The following MEGF9 variants were observed in gnomAD, a reference collection of about 807,000 sequenced individuals.
The protein encoded by MEGF9 is multiple EGF like domains 9.
A neutral mutation model predicts 46.8 loss-of-function variants in MEGF9; 6 were observed. That is an observed-to-expected ratio of 0.13 (90% CI 0.07 to 0.25). The LOEUF is 0.25. Ranked by LOEUF, MEGF9 falls within the 10% of genes least tolerant of loss-of-function variation. MEGF9 has a pLI of 1.00. For synonymous variants in MEGF9, 302 were observed against 330.7 expected, an observed-to-expected ratio of 0.91 and a Z score of 0.94; for missense variants, 683 against 792.4, an observed-to-expected ratio of 0.86 and a Z score of 1.66.
At chr9:120,640,387 T>C (rs565120108) in intron 2 of MEGF9, among the ~76,000 whole-genome samples, 1 of 152,288 alleles carries the variant, frequency 6.6e-6, no homozygotes, top group African/African-American at 2.4e-5. Flanking sequence ...AGCCACACTA[T>C]CTGAAATTGT....
At chr9:120,621,329 C>T (rs893000989) in intron 3 of MEGF9, among the ~76,000 whole-genome samples, 8 of 152,158 alleles carry the variant, frequency 5.3e-5, no homozygotes, top group African/African-American at 1.7e-4. Flanking sequence ...GGCTGTGTCC[C>T]ACATCTTCCC....
intron 2 of MEGF9, among the ~76,000 whole-genome samples, chr9:120,632,190 C>T (rs942645569): frequency 1.3e-5 from 2 of 152,042 alleles, no homozygotes; most frequent in South Asian, 2.1e-4. Context: ...CTCCCAAGAA[C>T]CCAGACCACA....
intron 1 of MEGF9, among the ~76,000 whole-genome samples, chr9:120,680,004 T>C (rs975985116): frequency 3.3e-5 from 5 of 152,136 alleles, no homozygotes; most frequent in Admixed American, 6.5e-5. Flanking sequence ...CTTCCAACTC[T>C]AGAATTTCTG....
Position 120,710,331 on chromosome 9 carries a change from G to A in MEGF9, c.601+3427C>T, listed in dbSNP as rs1020208418. Among the ~76,000 whole-genome samples, 6 of 148,916 alleles carry A rather than the reference G, an allele frequency of 4.0e-5. No homozygotes were observed. In the Admixed American group the frequency reaches 4.1e-4, roughly 10 times the overall value. ...TAATCCCAGCTACTTGGAAGACTGAGGAGAATCGCTTGAACCCGGGAGGTG... is the reference window on the plus strand; with the variant it reads ...TAATCCCAGCTACTTGGAAGACTGAAGAGAATCGCTTGAACCCGGGAGGTG... On this transcript the variant is annotated intron_variant, in intron 1 of 5. Coordinates refer to ENST00000373930, the MANE Select transcript of MEGF9 (RefSeq NM_001080497.3).
intron 3 of MEGF9, among the ~76,000 whole-genome samples, chr9:120,617,511 T>G (rs1439526304): frequency 6.6e-6 from 1 of 152,064 alleles, no homozygotes; most frequent in Non-Finnish European, 1.5e-5. Flanking sequence ...GGGCATAAGG[T>G]CAGAGAGAAA....
intron 1 of MEGF9, among the ~76,000 whole-genome samples, chr9:120,708,314 G>T (rs56032630): frequency 5.3e-5 from 8 of 151,672 alleles, no homozygotes; most frequent in African/African-American, 1.9e-4. Flanking sequence ...GTAGTGATCC[G>T]AGATGGCACC....
intron 2 of MEGF9, among the ~76,000 whole-genome samples, chr9:120,623,613 A>G (rs1462883019): frequency 6.6e-6 from 1 of 152,242 alleles, no homozygotes; most frequent in African/African-American, 2.4e-5. Flanking sequence ...GCATGAATCT[A>G]TGAATCTTAA....
chr9:120,631,107 T>G (rs189838076), intron 2 of MEGF9, among the ~76,000 whole-genome samples: 89 of 152,356 alleles, frequency 5.8e-4, no homozygotes, highest in Middle Eastern at 3.4e-3. Context: ...GTTTCATAGT[T>G]TTCAGTCTTG....
intron 2 of MEGF9, among the ~76,000 whole-genome samples, chr9:120,631,973 G>A (rs553781773): frequency 6.6e-6 from 1 of 151,346 alleles, no homozygotes; most frequent in African/African-American, 2.4e-5. Flanking sequence ...CTGTCGCCAG[G>A]CTGGAGTGCA....
chr9:120,615,632 A>G (rs781219841), intron 3 of MEGF9, among the ~76,000 whole-genome samples: 2 of 151,964 alleles, frequency 1.3e-5, no homozygotes, highest in South Asian at 4.2e-4. Flanking sequence ...CAGTGGCTCA[A>G]ACCTGTAATC....
chr9:120,623,351 T>C (rs1564414318), intron 2 of MEGF9, among the ~76,000 whole-genome samples: 1 of 152,220 alleles, frequency 6.6e-6, no homozygotes. Flanking sequence ...ACTCCAGTGA[T>C]GGTGTTTATG....
intron 2 of MEGF9, among the ~76,000 whole-genome samples, chr9:120,647,242 C>T (rs772591982): frequency 2.6e-5 from 4 of 151,038 alleles, no homozygotes; most frequent in Non-Finnish European, 4.4e-5. Flanking sequence ...AACTTTAAGA[C>T]AAAAATCCAC....
At position 120,714,448 on chromosome 9, in the gene MEGF9, G is replaced by C; in HGVS notation, c.-90C>G. The C allele has an allele frequency of 9.0e-7, 1 of 1,106,506 alleles. No homozygotes were observed. Among genetic ancestry groups the C allele is most frequent in the Non-Finnish European group, 1.1e-6 (1 of 876,538 alleles). 68.5% of individuals were successfully genotyped at this position (1,106,506 alleles called of 1,614,324 possible). ...CAACCGCCGCCGCCACCGCCACCGG[G>C]CGCACCATCGCCACCTCCCTCTGAC... On this transcript the variant is annotated 5_prime_UTR_variant, in exon 1 of 6. Transcript: ENST00000373930.
chr9:120,666,544 T>C (rs2043725930), intron 1 of MEGF9, among the ~76,000 whole-genome samples: 1 of 152,198 alleles, frequency 6.6e-6, no homozygotes. Flanking sequence ...AAATTACTGG[T>C]GTTAAGTACA....
In MEGF9 at chr9:120,612,526, G is replaced by A. The variant is rs764234970; in HGVS notation, c.957C>T (p.Asn319=). Residue 319 remains asparagine, a synonymous_variant, in exon 4 of 6, where the codon AAC becomes AAT. Coordinates refer to ENST00000373930, the MANE Select transcript of MEGF9 (RefSeq NM_001080497.3). ...SCDALTGACL[N]CQENSKGNHC... ...GATTTCCTTTGCTATTTTCCTGGCA[G>A]TTTAAACAAGCACCTAAAAGAAGCA... 14 of 1,609,570 alleles carry A rather than the reference G, an allele frequency of 8.7e-6. No individual in the cohort carries two copies. The South Asian group carries it at 1.1e-4, about 13-fold the overall frequency.
intron 3 of MEGF9, among the ~76,000 whole-genome samples, chr9:120,616,551 T>C (rs955160890): frequency 5.3e-5 from 8 of 151,750 alleles, no homozygotes; most frequent in South Asian, 2.1e-4. Flanking sequence ...TGGTGGTGGG[T>C]GCCTGTAGTC....
At chr9:120,662,668 G>C (rs760337004) in intron 1 of MEGF9, among the ~76,000 whole-genome samples, 1 of 152,174 alleles carries the variant, frequency 6.6e-6, no homozygotes, top group Non-Finnish European at 1.5e-5. Context: ...AAGTGCTTTG[G>C]AGTATTGCAA....
chr9:120,679,989 T>C (rs533025039), intron 1 of MEGF9, among the ~76,000 whole-genome samples: 3 of 151,874 alleles, frequency 2.0e-5, no homozygotes, highest in South Asian at 2.1e-4. Context: ...AGCATGTCAA[T>C]TGCACTTCCA....
chr9:120,635,103 CT>C (rs966354076), intron 2 of MEGF9, among the ~76,000 whole-genome samples: 2 of 151,460 alleles, frequency 1.3e-5, no homozygotes, highest in Non-Finnish European at 2.9e-5. Flanking sequence ...TCTTGGTTCA[CT>C]TTTTTTTTCC....
Sources: gnomAD v4.1 joint callset for allele counts (sites outside exome capture counted in the v4.1 genomes callset) on GRCh38, gnomAD v4.1.1 for gene constraint, MANE v1.5 for transcripts, NCBI Gene and HGNC (gene_info 2026-07-23, HGNC 2026-07-21) for gene names.